VAT1L: variants seen among roughly 807,000 people sequenced by gnomAD.
The protein encoded by VAT1L is putative NADPH-dependent quinone oxidoreductase VAT1L.
VAT1L carries 34 observed loss-of-function variants against 44.1 expected under a neutral mutation model. The ratio of observed to expected loss-of-function variants is 0.77; its 90% CI spans 0.59 to 1.03. The LOEUF is 1.03. Among genes scored for constraint, VAT1L ranks in the 50% least tolerant of loss-of-function variants. The pLI, the probability that VAT1L is intolerant of heterozygous loss-of-function variation, is 0.00. For synonymous variants in VAT1L, 253 were observed against 202.2 expected (o/e 1.25, Z -2.13); for missense variants, 615 against 538.8 (o/e 1.14, Z -1.40).
chr16:77,845,984 C>T (rs1454962154), intron 3 of VAT1L, among the ~76,000 whole-genome samples: 1 of 152,162 alleles, frequency 6.6e-6, no homozygotes, highest in East Asian at 1.9e-4. Context: ...CCCGGGTCTT[C>T]CTGTGCTAGA....
intron 4 of VAT1L, among the ~76,000 whole-genome samples, chr16:77,874,072 C>T (rs1240380620): frequency 2.0e-5 from 3 of 152,026 alleles, no homozygotes; most frequent in East Asian, 1.9e-4. Context: ...GAATGTGGCC[C>T]GCCAAGTAGA....
At chr16:77,869,415 C>T (rs1234160853) in intron 4 of VAT1L, among the ~76,000 whole-genome samples, 1 of 152,186 alleles carries the variant, frequency 6.6e-6, no homozygotes, top group Non-Finnish European at 1.5e-5. Flanking sequence ...TAGTTCACAC[C>T]TATAATCCCT....
chr16:77,891,363 A>G (rs1030736522), intron 7 of VAT1L, among the ~76,000 whole-genome samples: 3 of 152,206 alleles, frequency 2.0e-5, no homozygotes, highest in Non-Finnish European at 4.4e-5. Context: ...AAAAAAACAA[A>G]CAAACAAAAA....
intron 4 of VAT1L, among the ~76,000 whole-genome samples, chr16:77,865,000 G>A (rs1161191041): frequency 7.7e-6 from 1 of 129,800 alleles, no homozygotes; most frequent in African/African-American, 3.0e-5. Flanking sequence ...TTGAGACGGA[G>A]TCTCGCTCTG....
intron 2 of VAT1L, among the ~76,000 whole-genome samples, chr16:77,820,627 T>A (rs1248368242): frequency 3.3e-5 from 5 of 152,116 alleles, no homozygotes; most frequent in Non-Finnish European, 7.3e-5. Context: ...AAAGGAGAGC[T>A]CTGCAGAGAG....
intron 7 of VAT1L, among the ~76,000 whole-genome samples, chr16:77,959,828 C>T (rs1048544823): frequency 3.9e-5 from 6 of 152,186 alleles, no homozygotes; most frequent in African/African-American, 9.6e-5. Flanking sequence ...AGATTTGCAA[C>T]CACATTCATG....
Position 77,845,743 on chromosome 16 carries a change from T to C in VAT1L, c.580-17005T>C, listed in dbSNP as rs529331788. 6.6e-5 allele frequency among the ~76,000 whole-genome samples: 10 copies of C among 152,182 alleles called. No homozygotes were observed. The East Asian group carries it at 1.9e-3, about 29-fold the overall frequency. On this transcript the variant is annotated intron_variant, in intron 3 of 8. Coordinates refer to ENST00000302536, the MANE Select transcript of VAT1L (RefSeq NM_020927.3). ...CCCTGAGAGCCAGACTAGCTCCCCT[T>C]TTTCCTCTGCCTGGCAAGTTTCTAT...
At chr16:77,946,241 C>T (rs912397519) in intron 7 of VAT1L, among the ~76,000 whole-genome samples, 5 of 148,560 alleles carry the variant, frequency 3.4e-5, no homozygotes, top group African/African-American at 7.4e-5. Context: ...AGAGTTTACT[C>T]AACCACTCTC....
At chr16:77,841,026 A>G (rs969499026) in intron 3 of VAT1L, among the ~76,000 whole-genome samples, 1 of 152,200 alleles carries the variant, frequency 6.6e-6, no homozygotes, top group African/African-American at 2.4e-5. Flanking sequence ...AGCAAGCTAC[A>G]TGGATTTAAA....
At chr16:77,925,653 T>C (rs77966932) in intron 7 of VAT1L, among the ~76,000 whole-genome samples, 1,934 of 152,284 alleles carry the variant, frequency 0.013, 33 homozygotes, top group African/African-American at 0.044. Context: ...ACAGTTTCCC[T>C]TCCTAAAATC....
chr16:77,979,630 A>C lies in VAT1L; in HGVS notation c.*1935A>C, dbSNP rs563858641. 3 of 152,168 alleles carry C rather than the reference A, an allele frequency of 2.0e-5. No homozygotes were observed. Among genetic ancestry groups the C allele is most frequent in the South Asian group, 4.2e-4 (2 of 4,818 alleles). 9.4% of individuals were successfully genotyped at this position (152,168 alleles called of 1,614,324 possible). ...GAACTCAGCCACATTCAGAATTCACATCGCCTTTGTTATGTCCAGAGGAGA... is the reference window on the plus strand; with the variant it reads ...GAACTCAGCCACATTCAGAATTCACCTCGCCTTTGTTATGTCCAGAGGAGA... On this transcript the variant is annotated 3_prime_UTR_variant, in exon 9 of 9. Coordinates refer to ENST00000302536, the MANE Select transcript of VAT1L (RefSeq NM_020927.3).
At chr16:77,955,667 G>C (rs2018094674) in intron 7 of VAT1L, among the ~76,000 whole-genome samples, 1 of 150,778 alleles carries the variant, frequency 6.6e-6, no homozygotes. Flanking sequence ...GGAGGTTGCA[G>C]TGAGCTGAGA....
At chr16:77,897,590 C>T (rs1250619234) in intron 7 of VAT1L, among the ~76,000 whole-genome samples, 1 of 152,166 alleles carries the variant, frequency 6.6e-6, no homozygotes. Flanking sequence ...CCTGCCTCAG[C>T]CTCCTGAGTA....
chr16:77,866,612 G>GAAA (rs3038775), intron 4 of VAT1L, among the ~76,000 whole-genome samples: 72 of 115,234 alleles, frequency 6.2e-4, no homozygotes, highest in Admixed American at 2.7e-3. Flanking sequence ...CAATGAACCA[G>GAAA]AAAAAAAAAA....
intron 7 of VAT1L, among the ~76,000 whole-genome samples, chr16:77,953,450 G>A (rs567147422): frequency 5.9e-5 from 9 of 152,246 alleles, no homozygotes; most frequent in East Asian, 1.9e-4. Context: ...GCAAACAATT[G>A]TTTACTTGGT....
chr16:77,873,104 C>T (rs143447065), intron 4 of VAT1L, among the ~76,000 whole-genome samples: 11 of 152,336 alleles, frequency 7.2e-5, no homozygotes, highest in African/African-American at 2.6e-4. Flanking sequence ...ATTAAATTGG[C>T]TGCTTCTCAG....
intron 7 of VAT1L, among the ~76,000 whole-genome samples, chr16:77,907,910 G>A (rs1279459071): frequency 2.0e-5 from 3 of 152,144 alleles, no homozygotes; most frequent in African/African-American, 4.8e-5. Context: ...GAGTAGCAGT[G>A]AAAGATTGAA....
At chr16:77,910,351 A>T (rs1367212459) in intron 7 of VAT1L, among the ~76,000 whole-genome samples, 1 of 152,190 alleles carries the variant, frequency 6.6e-6, no homozygotes, top group Non-Finnish European at 1.5e-5. Context: ...GTAGTTTGGA[A>T]ATTCATTATA....
chr16:77,837,567 G>T (rs1361290876), intron 3 of VAT1L, among the ~76,000 whole-genome samples: 1 of 152,176 alleles, frequency 6.6e-6, no homozygotes, highest in Admixed American at 6.5e-5. Context: ...ATTTGTAGAA[G>T]AAATGAAAGA....
Sources: allele counts gnomAD v4.1 joint callset (sites outside exome capture counted in the v4.1 genomes callset), GRCh38; gene constraint gnomAD v4.1.1; transcripts MANE v1.5; gene names NCBI Gene and HGNC (gene_info 2026-07-23, HGNC 2026-07-21).